Variants in DNAJC13 observed in about 807,000 individuals in gnomAD.
DNAJC13 encodes dnaJ homolog subfamily C member 13.
In DNAJC13, 75 loss-of-function variants were observed where a neutral mutation model predicts 290.5. The ratio of observed to expected loss-of-function variants is 0.26; its 90% CI spans 0.21 to 0.31. DNAJC13 has a LOEUF of 0.31. Ranked by LOEUF, DNAJC13 falls within the 10% of genes least tolerant of loss-of-function variation. DNAJC13 has a pLI of 1.00. For synonymous variants in DNAJC13, 862 were observed against 892.0 expected (o/e 0.97, Z 0.60); for missense variants, 2,260 against 2,674.5 (o/e 0.85, Z 3.42).
rs368639493 is a variant in DNAJC13, at chr3:132,466,623, TCAC to T, written c.2064+233_2064+235del. On this transcript the variant is annotated intron_variant, in intron 19 of 55. Transcript: ENST00000260818. ...GTATATTTACAGAGTTGTGCAGCTA[TCAC>T]CACAAATTAATGTTATGAATAGTGG... Among the ~76,000 whole-genome samples, 61 of 152,324 alleles carry T rather than the reference TCAC, an allele frequency of 4.0e-4. No homozygotes were observed. The East Asian group carries it at 9.6e-3, about 24-fold the overall frequency.
At chr3:132,481,571 ACC>A (rs1254351573) in intron 26 of DNAJC13, among the ~76,000 whole-genome samples, 1 of 152,148 alleles carries the variant, frequency 6.6e-6, no homozygotes, top group African/African-American at 2.4e-5. Context: ...ACAAAGTAAG[ACC>A]CTGTCTCAAA....
intron 2 of DNAJC13, among the ~76,000 whole-genome samples, chr3:132,441,937 C>T (rs1469055622): frequency 6.6e-6 from 1 of 151,596 alleles, no homozygotes; most frequent in Non-Finnish European, 1.5e-5. Context: ...TATTATTGAA[C>T]CCAGCACAGT....
chr3:132,509,106 A>T lies in DNAJC13; in HGVS notation c.5115+1753A>T, dbSNP rs1273876916. Among the ~76,000 whole-genome samples, 3 of 152,266 alleles carry T rather than the reference A, an allele frequency of 2.0e-5. No individual in the cohort carries two copies. The South Asian group carries it at 6.2e-4, about 31-fold the overall frequency. ...TCAAACAGCTGTAGCTGCCATAGAT[A>T]GTGATTCCTCTAATGGATGTGGGCA... On this transcript the variant is annotated intron_variant, in intron 43 of 55. Transcript: ENST00000260818.
intron 37 of DNAJC13, among the ~76,000 whole-genome samples, 190 bp from the exon 38 acceptor site, chr3:132,499,544 G>A (rs1421784266): frequency 5.3e-5 from 8 of 152,130 alleles, no homozygotes; most frequent in African/African-American, 1.9e-4. Context: ...TTACAAAGTA[G>A]CTTATTAGAA....
chr3:132,430,766 G>C (rs1287784951), intron 1 of DNAJC13, among the ~76,000 whole-genome samples: 1 of 152,090 alleles, frequency 6.6e-6, no homozygotes, highest in East Asian at 1.9e-4. Flanking sequence ...ATACTGCCCA[G>C]GTTTCTTTTC....
At chr3:132,478,600 TA>T (rs1934550787) in intron 24 of DNAJC13, among the ~76,000 whole-genome samples, 1 of 152,224 alleles carries the variant, frequency 6.6e-6, no homozygotes, top group Non-Finnish European at 1.5e-5. Context: ...AAAAATTTTA[TA>T]CAGTTTGTCA....
intron 55 of DNAJC13, among the ~76,000 whole-genome samples, chr3:132,536,804 AT>A (rs1394531353): frequency 2.0e-5 from 3 of 152,138 alleles, no homozygotes; most frequent in African/African-American, 7.2e-5. Context: ...TGGCATCCTG[AT>A]TGGCTCAAGG....
chr3:132,429,084 TTATAGA>T (rs1939178314), intron 1 of DNAJC13, among the ~76,000 whole-genome samples: 1 of 152,250 alleles, frequency 6.6e-6, no homozygotes, highest in South Asian at 2.1e-4. Flanking sequence ...GAAAGTTTAT[TTATAGA>T]TGATAGAATA....
intron 15 of DNAJC13, among the ~76,000 whole-genome samples, chr3:132,461,806 C>A (rs1933807247): frequency 6.6e-6 from 1 of 152,088 alleles, no homozygotes; most frequent in African/African-American, 2.4e-5. Flanking sequence ...ATCTTCCCAC[C>A]TCAGTTGCTG....
intron 45 of DNAJC13, among the ~76,000 whole-genome samples, chr3:132,513,654 A>G (rs1311533418): frequency 6.6e-6 from 1 of 152,312 alleles, no homozygotes; most frequent in Non-Finnish European, 1.5e-5. Context: ...GCCAGAACCC[A>G]TGGGTCTTAA....
At chr3:132,421,521 G>A (rs928293704) in intron 1 of DNAJC13, among the ~76,000 whole-genome samples, 7 of 151,922 alleles carry the variant, frequency 4.6e-5, no homozygotes, top group African/African-American at 9.7e-5. Flanking sequence ...GCAGTGGCAC[G>A]ATCTTGGCTC....
intron 33 of DNAJC13, 123 bp downstream of exon 33, chr3:132,492,738 C>G: frequency 1.3e-6 from 1 of 788,006 alleles, no homozygotes; most frequent in Middle Eastern, 3.8e-4. Context: ...TTCTTAAGCA[C>G]TAAGCACTGT....
At position 132,523,532 on chromosome 3, in the gene DNAJC13, A is replaced by G. The variant is rs756731134; in HGVS notation, c.5887-8A>G. 5.0e-6 allele frequency: 8 copies of G among 1,609,622 alleles called. No individual in the cohort carries two copies. In the South Asian group the frequency reaches 5.6e-5, roughly 11 times the overall value. ...GTGACTTGACTGTGGTTCTTTCTCT[A>G]TTTAAAGTTGCCTGAAGATTTTGCT... is the stretch of plus-strand genomic sequence containing the variant. On this transcript the variant is annotated splice_polypyrimidine_tract_variant and splice_region_variant and intron_variant, in intron 50 of 55. Coordinates refer to ENST00000260818, the MANE Select transcript of DNAJC13 (RefSeq NM_015268.4).
At position 132,443,913 on chromosome 3, in the gene DNAJC13, C is replaced by T. The variant is rs190619149; in HGVS notation, c.69-2562C>T. On this transcript the variant is annotated intron_variant, in intron 2 of 55. Transcript: ENST00000260818. ...TGTGATCTCTCCAGTATGGTAGCCGCTAACTACATGTGGCTATTTATTTAA... is the reference window on the plus strand; with the variant it reads ...TGTGATCTCTCCAGTATGGTAGCCGTTAACTACATGTGGCTATTTATTTAA... Among the ~76,000 whole-genome samples the T allele has an allele frequency of 7.2e-5, 11 of 152,264 alleles. No homozygotes were observed. In the East Asian group the frequency reaches 2.1e-3, roughly 29 times the overall value.
chr3:132,516,150 A>G (rs910050139), intron 46 of DNAJC13, among the ~76,000 whole-genome samples: 3 of 152,184 alleles, frequency 2.0e-5, no homozygotes, highest in African/African-American at 7.2e-5. Flanking sequence ...ACAGGGTTTT[A>G]TAGTGGTTAT....
intron 32 of DNAJC13, among the ~76,000 whole-genome samples, chr3:132,492,142 G>C (rs1230499944): frequency 6.6e-6 from 1 of 151,990 alleles, no homozygotes; most frequent in Non-Finnish European, 1.5e-5. Context: ...TATACCATTT[G>C]CCCTTCTAAT....
rs376831689 is a variant in DNAJC13, at chr3:132,506,759, C to T, written c.4999-478C>T. On this transcript the variant is annotated intron_variant, in intron 42 of 55. Transcript: ENST00000260818. ...TAGAAACAGGGTTTCACCATGTTGG[C>T]CAAGATGGTCTCGATCTCTTGACCT... 3.3e-5 allele frequency among the ~76,000 whole-genome samples: 5 copies of T among 151,730 alleles called. No homozygotes were observed. In the East Asian group the frequency reaches 7.8e-4, roughly 24 times the overall value.
At chr3:132,493,616 C>CT (rs1165866089) in intron 33 of DNAJC13, among the ~76,000 whole-genome samples, 8 of 151,250 alleles carry the variant, frequency 5.3e-5, no homozygotes, top group East Asian at 1.9e-4. Context: ...AATATTAGAG[C>CT]TTTTTTTTTC....
At chr3:132,451,511 A>G (rs563299786) in intron 6 of DNAJC13, among the ~76,000 whole-genome samples, 1 of 152,192 alleles carries the variant, frequency 6.6e-6, no homozygotes, top group African/African-American at 2.4e-5. Context: ...GAACCCTGTT[A>G]ATCAGTAATA....
Sources: allele counts gnomAD v4.1 joint callset (sites outside exome capture counted in the v4.1 genomes callset), GRCh38; gene constraint gnomAD v4.1.1; transcripts MANE v1.5; gene names NCBI Gene and HGNC (gene_info 2026-07-23, HGNC 2026-07-21).